Variants in PIK3C2G observed in about 807,000 individuals in gnomAD.
PIK3C2G encodes phosphatidylinositol 3-kinase C2 domain-containing subunit gamma.
PIK3C2G carries 168 observed loss-of-function variants against 181.1 expected under a neutral mutation model. That is an observed-to-expected ratio of 0.93 (90% confidence interval 0.82 to 1.05). The LOEUF (loss-of-function observed/expected upper bound fraction) is 1.05, where lower values mean the gene tolerates loss of function less well. Ranked by LOEUF, PIK3C2G falls within the 50% of genes least tolerant of loss-of-function variation. The pLI, the probability that PIK3C2G is intolerant of heterozygous loss-of-function variation, is 0.00. For missense variants in PIK3C2G, 1,869 were observed against 1,732.8 expected, an observed-to-expected ratio of 1.08 and a Z score of -1.40; for synonymous variants, 573 against 592.2, an observed-to-expected ratio of 0.97 and a Z score of 0.47.
At position 18,513,024 on chromosome 12, in the gene PIK3C2G, G is replaced by A. The variant is rs547192177; in HGVS notation, c.3323+7563G>A. ...ATGAAGGTATGTTACATTTTGTCAC[G>A]TGATTTTTCTGCATCCAGTGAGATG... is the stretch of plus-strand genomic sequence containing the variant. On this transcript the variant is annotated intron_variant, in intron 24 of 32. Coordinates refer to ENST00000538779, the MANE Select transcript of PIK3C2G (RefSeq NM_001288772.2). 8.6e-5 allele frequency among the ~76,000 whole-genome samples: 13 copies of A among 151,808 alleles called. No homozygotes were observed. In the South Asian group the frequency reaches 1.2e-3, roughly 15 times the overall value.
intron 28 of PIK3C2G, among the ~76,000 whole-genome samples, chr12:18,564,737 GAC>G (rs2136343643): frequency 6.6e-6 from 1 of 152,064 alleles, no homozygotes; most frequent in Non-Finnish European, 1.5e-5. Flanking sequence ...GAAAAAAAGA[GAC>G]ACAGGCAAAA....
intron 18 of PIK3C2G, among the ~76,000 whole-genome samples, chr12:18,466,968 TA>T (rs1275580914): frequency 2.0e-5 from 3 of 152,068 alleles, no homozygotes; most frequent in Non-Finnish European, 4.4e-5. Context: ...GTGCATTTCT[TA>T]AAAACAAAAC....
chr12:18,276,432 T>G (rs910839985), intron 1 of PIK3C2G, among the ~76,000 whole-genome samples: 2 of 152,192 alleles, frequency 1.3e-5, no homozygotes, highest in Admixed American at 1.3e-4. Context: ...TAACAACGCT[T>G]AGGAATCAAA....
intron 8 of PIK3C2G, among the ~76,000 whole-genome samples, chr12:18,325,406 T>A (rs2137497719): frequency 6.6e-6 from 1 of 152,074 alleles, no homozygotes; most frequent in Non-Finnish European, 1.5e-5. Context: ...ACGGGCATTG[T>A]GAAGGAAGGT....
chr12:18,554,884 CTCAG>C (rs1443050184), intron 26 of PIK3C2G, among the ~76,000 whole-genome samples: 1 of 152,090 alleles, frequency 6.6e-6, no homozygotes, highest in African/African-American at 2.4e-5. Flanking sequence ...AAGCTGGACA[CTCAG>C]TCAGTAACTT....
intron 24 of PIK3C2G, among the ~76,000 whole-genome samples, chr12:18,529,502 G>A (rs1053398455): frequency 1.3e-5 from 2 of 152,006 alleles, no homozygotes; most frequent in Non-Finnish European, 2.9e-5. Flanking sequence ...GCAACCCAGT[G>A]GTATTATCTA....
rs1400174556 is a variant in PIK3C2G at position 18,634,304 on chromosome 12, G to A, written c.4183-6125G>A. 5.9e-5 allele frequency among the ~76,000 whole-genome samples: 9 copies of A among 152,274 alleles called. No individual in the cohort carries two copies. The East Asian group carries it at 1.2e-3, about 20-fold the overall frequency. On this transcript the variant is annotated intron_variant, in intron 31 of 32. Coordinates refer to ENST00000538779, the MANE Select transcript of PIK3C2G (RefSeq NM_001288772.2). ...TCCCTTCTAAGATAAAGGATAAGTTGTTGCAGCTGGCTTCTCCTACAACCA... is the reference window on the plus strand; with the variant it reads ...TCCCTTCTAAGATAAAGGATAAGTTATTGCAGCTGGCTTCTCCTACAACCA...
intron 22 of PIK3C2G, among the ~76,000 whole-genome samples, chr12:18,500,213 G>T (rs990532578): frequency 6.6e-6 from 1 of 152,144 alleles, no homozygotes; most frequent in Non-Finnish European, 1.5e-5. Context: ...CCAGGTGGGC[G>T]TGGGCTTGGC....
chr12:18,484,554 T>C (rs994775822), intron 18 of PIK3C2G, among the ~76,000 whole-genome samples: 9 of 152,218 alleles, frequency 5.9e-5, no homozygotes, highest in Non-Finnish European at 1.2e-4. Flanking sequence ...ATTTGCATTA[T>C]CTGCAGACTT....
At chr12:18,688,140 CA>C in the PIK3C2G span, 2 of 1,611,128 alleles carry the variant, frequency 1.2e-6, no homozygotes. Context: ...TTTGGAACAC[CA>C]AAAACTTCTA....
chr12:18,366,853 A>T (rs1385196601), intron 12 of PIK3C2G, among the ~76,000 whole-genome samples: 2 of 152,020 alleles, frequency 1.3e-5, no homozygotes, highest in African/African-American at 2.4e-5. Context: ...AGTTAAAAAA[A>T]TTTTCAGTGA....
At chr12:18,451,016 C>T (rs1947319710) in intron 18 of PIK3C2G, among the ~76,000 whole-genome samples, 2 of 152,130 alleles carry the variant, frequency 1.3e-5, no homozygotes, top group Non-Finnish European at 2.9e-5. Flanking sequence ...AGCACGATGC[C>T]TCCAGCTTTG....
intron 30 of PIK3C2G, among the ~76,000 whole-genome samples, chr12:18,595,561 C>G (rs1184191351): frequency 6.6e-6 from 1 of 152,064 alleles, no homozygotes; most frequent in African/African-American, 2.4e-5. Flanking sequence ...ACTAAACATG[C>G]CTTGGGAGAA....
chr12:18,414,687 A>G (rs1945071794), intron 16 of PIK3C2G, among the ~76,000 whole-genome samples: 1 of 151,284 alleles, frequency 6.6e-6, no homozygotes, highest in South Asian at 2.1e-4. Flanking sequence ...AGGTAAATAG[A>G]TAGATCAAAA....
At chr12:18,304,023 G>A (rs917935512) in intron 5 of PIK3C2G, among the ~76,000 whole-genome samples, 6 of 151,636 alleles carry the variant, frequency 4.0e-5, no homozygotes, top group Non-Finnish European at 8.8e-5. Flanking sequence ...TTAAGAAGGT[G>A]GTATTTACCT....
At chr12:18,610,094 C>T (rs542646643) in intron 31 of PIK3C2G, among the ~76,000 whole-genome samples, 2 of 152,184 alleles carry the variant, frequency 1.3e-5, no homozygotes, top group Admixed American at 6.6e-5. Context: ...TTACATGCCA[C>T]TTAAGGTTGG....
intron 26 of PIK3C2G, among the ~76,000 whole-genome samples, chr12:18,558,912 A>G (rs553818580): frequency 1.1e-4 from 17 of 152,324 alleles, no homozygotes; most frequent in African/African-American, 4.1e-4. Context: ...AAACTCTAAA[A>G]GGGCGAAAAA....
At chr12:18,671,015 T>C in the PIK3C2G span, among the ~76,000 whole-genome samples, 1 of 151,462 alleles carries the variant, frequency 6.6e-6, no homozygotes, top group Non-Finnish European at 1.5e-5. Flanking sequence ...CTGTCTCCAC[T>C]AAAATACAAA....
chr12:18,328,406 G>A (rs1951441197), intron 8 of PIK3C2G, among the ~76,000 whole-genome samples: 1 of 151,970 alleles, frequency 6.6e-6, no homozygotes, highest in Non-Finnish European at 1.5e-5. Flanking sequence ...CCATATATGA[G>A]TAGAAAGAAA....
Sources: allele counts gnomAD v4.1 joint callset (sites outside exome capture counted in the v4.1 genomes callset), GRCh38; gene constraint gnomAD v4.1.1; transcripts MANE v1.5; gene names NCBI Gene and HGNC (gene_info 2026-07-23, HGNC 2026-07-21).